Variants in CFAP77 observed in about 807,000 individuals in gnomAD.
CFAP77 encodes the protein cilia- and flagella-associated protein 77.
A neutral mutation model predicts 31.1 loss-of-function variants in CFAP77; 25 were observed. The observed-to-expected ratio is 0.80, with a 90% CI of 0.59 to 1.12. CFAP77 has a LOEUF of 1.12. Among genes scored for constraint, CFAP77 ranks in the 50% most tolerant of loss-of-function variants. The pLI is 0.00. For synonymous variants in CFAP77, 151 were observed against 159.9 expected, an observed-to-expected ratio of 0.94 and a Z score of 0.42; for missense variants, 377 against 397.3, an observed-to-expected ratio of 0.95 and a Z score of 0.44.
At chr9:132,538,229 C>T (rs554998956) in intron 4 of CFAP77, among the ~76,000 whole-genome samples, 1 of 152,226 alleles carries the variant, frequency 6.6e-6, no homozygotes, top group Non-Finnish European at 1.5e-5. Flanking sequence ...AAACACCTCC[C>T]GTGCATGACG....
chr9:132,560,503 T>C (rs1426358250), intron 5 of CFAP77, among the ~76,000 whole-genome samples: 4 of 152,260 alleles, frequency 2.6e-5, no homozygotes, highest in Non-Finnish European at 4.4e-5. Context: ...CAACTGCTGC[T>C]GACTGGCCTT....
chr9:132,482,359 C>T, intron 1 of CFAP77: 1 of 1,614,092 alleles, frequency 6.2e-7, no homozygotes, highest in Non-Finnish European at 8.5e-7. Flanking sequence ...TATGACTCCT[C>T]AGCGGTGCAG....
At chr9:132,464,624 G>A (rs1013375611) in intron 1 of CFAP77, among the ~76,000 whole-genome samples, 4 of 152,140 alleles carry the variant, frequency 2.6e-5, no homozygotes, top group South Asian at 2.1e-4. Context: ...TAATGAGCCC[G>A]TTTTCCATTC....
chr9:132,447,891 T>C (rs1850754835), intron 1 of CFAP77, among the ~76,000 whole-genome samples: 1 of 152,196 alleles, frequency 6.6e-6, no homozygotes, highest in Non-Finnish European at 1.5e-5. Flanking sequence ...AAGACCTACT[T>C]AGGAGTCCAG....
At chr9:132,566,179 G>T (rs1017995691) in intron 5 of CFAP77, among the ~76,000 whole-genome samples, 6 of 152,094 alleles carry the variant, frequency 3.9e-5, no homozygotes, top group African/African-American at 4.8e-5. Context: ...GGAGAGGGGG[G>T]AGCGTGCATG....
intron 1 of CFAP77, among the ~76,000 whole-genome samples, chr9:132,486,648 C>G (rs1348837599): frequency 6.6e-6 from 1 of 152,246 alleles, no homozygotes; most frequent in African/African-American, 2.4e-5. Flanking sequence ...CCCCTCATTC[C>G]CCTAAACATG....
At chr9:132,484,161 C>T (rs1297766011) in intron 1 of CFAP77, among the ~76,000 whole-genome samples, 1 of 152,118 alleles carries the variant, frequency 6.6e-6, no homozygotes, top group Non-Finnish European at 1.5e-5. Context: ...TGGTCTCAAA[C>T]TCCTGATCTC....
At chr9:132,546,206 C>T (rs962938186) in intron 5 of CFAP77, among the ~76,000 whole-genome samples, 1 of 152,204 alleles carries the variant, frequency 6.6e-6, no homozygotes, top group Non-Finnish European at 1.5e-5. Flanking sequence ...TCTCCCCTTC[C>T]CAAACCAAGC....
chr9:132,450,662 G>A (rs542396924), intron 1 of CFAP77, among the ~76,000 whole-genome samples: 4 of 152,256 alleles, frequency 2.6e-5, no homozygotes, highest in Admixed American at 6.5e-5. Context: ...GCTTAACCAC[G>A]GCACCACACT....
intron 1 of CFAP77, among the ~76,000 whole-genome samples, chr9:132,438,541 A>ATATATATATATATATATATATTTTTTT: frequency 9.2e-6 from 1 of 108,128 alleles, no homozygotes; most frequent in Non-Finnish European, 1.8e-5. Context: ...ATATATATAT[A>ATATATATATATATATATATATTTTTTT]TTTTTTTTTT....
At chr9:132,450,756 C>A (rs1176970586) in intron 1 of CFAP77, among the ~76,000 whole-genome samples, 1 of 152,194 alleles carries the variant, frequency 6.6e-6, no homozygotes, top group African/African-American at 2.4e-5. Flanking sequence ...ATGAACAGAC[C>A]TGTCTTTATG....
chr9:132,514,155 C>T (rs1007212551), intron 3 of CFAP77, among the ~76,000 whole-genome samples: 23 of 151,788 alleles, frequency 1.5e-4, no homozygotes, highest in African/African-American at 2.2e-4. Context: ...TCCCTGACCA[C>T]GGGTGACAGT....
chr9:132,441,536 C>A lies in CFAP77; in HGVS notation c.195+31070C>A, dbSNP rs577005715. Reference sequence around the variant, plus strand: ...GACACCCTCCCCGCTCCCCGCCAACCACACATAAGAAAACATTGAAACTGA... The same window carrying A: ...GACACCCTCCCCGCTCCCCGCCAACAACACATAAGAAAACATTGAAACTGA... On this transcript the variant is annotated intron_variant, in intron 1 of 5. Coordinates refer to ENST00000393216, the MANE Select transcript of CFAP77 (RefSeq NM_001282957.2). 5.3e-5 allele frequency among the ~76,000 whole-genome samples: 8 copies of A among 152,306 alleles called. No homozygotes were observed. In the South Asian group the frequency reaches 1.2e-3, roughly 24 times the overall value.
rs1564254340 is a variant in CFAP77 at position 132,565,344 on chromosome 9, TGTC to T, written c.733-7042_733-7040del. 6.6e-6 allele frequency among the ~76,000 whole-genome samples: 1 copy of T among 152,070 alleles called. No individual in the cohort carries two copies. The highest frequency in any genetic ancestry group is 1.9e-4 in the East Asian group (1 of 5,182). On this transcript the variant is annotated intron_variant, in intron 5 of 5. Transcript: ENST00000393216. The surrounding 1 kb of genome is among the most constrained non-coding windows in gnomAD (Gnocchi z 4.1). ...GTCCACAATCTTATTAAATAGCTCT[TGTC>T]GGCCTGGTGCCGTGGCTCACGCCTG...
chr9:132,544,178 C>T (rs1852694830), intron 5 of CFAP77, among the ~76,000 whole-genome samples: 1 of 152,254 alleles, frequency 6.6e-6, no homozygotes, highest in South Asian at 2.1e-4. Context: ...CGCGGCCTCT[C>T]ATGTCCTGCC....
intron 5 of CFAP77, among the ~76,000 whole-genome samples, chr9:132,546,545 G>A (rs771650753): frequency 2.6e-5 from 4 of 152,248 alleles, no homozygotes; most frequent in East Asian, 3.8e-4. Flanking sequence ...GGCAGGGCGC[G>A]GCTGCTGCAC....
At chr9:132,559,346 C>CAAAAAAAAAAAAAAAAAAAAAAAAAAAA (rs35737685) in intron 5 of CFAP77, among the ~76,000 whole-genome samples, 14 of 56,082 alleles carry the variant, frequency 2.5e-4, no homozygotes, top group Non-Finnish European at 3.2e-4. Context: ...CTCTGTCTTG[C>CAAAAAAAAAAAAAAAAAAAAAAAAAAAA]AAAAAAAAAA....
chr9:132,477,924 CA>C (rs961985788), intron 1 of CFAP77, among the ~76,000 whole-genome samples: 16 of 152,278 alleles, frequency 1.1e-4, no homozygotes, highest in African/African-American at 3.6e-4. Context: ...CCTGCTCTCT[CA>C]GTCATTCTAC....
chr9:132,436,781 C>T (rs1262778610), intron 1 of CFAP77, among the ~76,000 whole-genome samples: 1 of 151,924 alleles, frequency 6.6e-6, no homozygotes, highest in East Asian at 1.9e-4. Flanking sequence ...GGGAAAATGC[C>T]CATGATAGGT....
Sources: allele counts gnomAD v4.1 joint callset (sites outside exome capture counted in the v4.1 genomes callset), GRCh38; gene constraint gnomAD v4.1.1; non-coding constraint Gnocchi (gnomAD v3.1); transcripts MANE v1.5; gene names NCBI Gene and HGNC (gene_info 2026-07-23, HGNC 2026-07-21).